The following NKAIN2 variants were observed in gnomAD, a reference collection of about 807,000 sequenced individuals.
NKAIN2 encodes the protein sodium/potassium transporting ATPase interacting 2.
A neutral mutation model predicts 32.6 loss-of-function variants in NKAIN2; 14 were observed. The ratio of observed to expected loss-of-function variants is 0.43; its 90% CI spans 0.28 to 0.67. The LOEUF is 0.67. NKAIN2 is among the 30% of genes least tolerant of loss of function. NKAIN2 has a pLI of 0.17. For missense variants in NKAIN2, 198 were observed against 258.3 expected, an observed-to-expected ratio of 0.77 and a Z score of 1.60; for synonymous variants, 80 against 87.2, an observed-to-expected ratio of 0.92 and a Z score of 0.46.
At chr6:124,783,092 A>G (rs1018470525) in intron 4 of NKAIN2, among the ~76,000 whole-genome samples, 5 of 152,156 alleles carry the variant, frequency 3.3e-5, no homozygotes, top group African/African-American at 1.2e-4. Context: ...CTGTCAATAC[A>G]GTTTTAAAAA....
At chr6:123,881,083 A>G (rs9490985) in intron 1 of NKAIN2, among the ~76,000 whole-genome samples, 1,548 of 152,270 alleles carry the variant, frequency 0.01, 24 homozygotes, top group African/African-American at 0.035. Flanking sequence ...GGGCAGTAGC[A>G]CCATCTTGGC....
chr6:124,019,926 A>C (rs1780791175), intron 1 of NKAIN2, among the ~76,000 whole-genome samples: 1 of 152,198 alleles, frequency 6.6e-6, no homozygotes, highest in African/African-American at 2.4e-5. Context: ...ATTCAATGAA[A>C]GATATTAAAA....
At chr6:124,237,297 T>A (rs1792824522) in intron 1 of NKAIN2, among the ~76,000 whole-genome samples, 1 of 152,148 alleles carries the variant, frequency 6.6e-6, no homozygotes, top group African/African-American at 2.4e-5. Context: ...AGGAGGGACT[T>A]GGAAAAGTTA....
At chr6:124,530,567 G>C (rs1347188087) in intron 3 of NKAIN2, among the ~76,000 whole-genome samples, 1 of 152,078 alleles carries the variant, frequency 6.6e-6, no homozygotes, top group African/African-American at 2.4e-5. Context: ...GCTGTGCAAG[G>C]GTCAACTGTG....
intron 1 of NKAIN2, among the ~76,000 whole-genome samples, chr6:123,804,762 C>T (rs1214615757): frequency 6.6e-6 from 1 of 151,864 alleles, no homozygotes; most frequent in Non-Finnish European, 1.5e-5. Context: ...CACATGGTAT[C>T]CTTACAACAG....
intron 3 of NKAIN2, among the ~76,000 whole-genome samples, chr6:124,457,769 G>A (rs1776379054): frequency 1.3e-5 from 2 of 151,804 alleles, no homozygotes; most frequent in African/African-American, 2.4e-5. Flanking sequence ...TACTTCCATT[G>A]CCAGGTGCCA....
At chr6:123,941,095 A>G (rs1312692521) in intron 1 of NKAIN2, among the ~76,000 whole-genome samples, 2 of 151,802 alleles carry the variant, frequency 1.3e-5, no homozygotes, top group East Asian at 3.9e-4. Context: ...AAACCCACAC[A>G]TTAGCCTAGG....
chr6:123,852,683 C>A (rs559540720), intron 1 of NKAIN2, among the ~76,000 whole-genome samples: 4 of 152,102 alleles, frequency 2.6e-5, no homozygotes, highest in African/African-American at 7.2e-5. Context: ...AGAAGGAAAT[C>A]CTATCATTTG....
rs140130012 is a variant in NKAIN2 at position 123,999,527 on chromosome 6, A to G, written c.54+195273A>G. Among the ~76,000 whole-genome samples the G allele has an allele frequency of 3.4e-4, 52 of 152,288 alleles. No homozygotes were observed. The East Asian group carries it at 7.5e-3, about 22-fold the overall frequency. ...GCTCTCATCAGTTAAAATATGCATT[A>G]TATTTATTTTACCTCTAAGAAAAGT... On this transcript the variant is annotated intron_variant, in intron 1 of 6. Coordinates refer to ENST00000368417, the MANE Select transcript of NKAIN2 (RefSeq NM_001040214.3).
chr6:124,417,948 G>A (rs1774569086), intron 3 of NKAIN2, among the ~76,000 whole-genome samples: 1 of 152,212 alleles, frequency 6.6e-6, no homozygotes, highest in South Asian at 2.1e-4. Context: ...TTCAGAATCA[G>A]ATAGACAGGG....
chr6:123,910,987 G>A (rs1582762259), intron 1 of NKAIN2, among the ~76,000 whole-genome samples: 1 of 151,990 alleles, frequency 6.6e-6, no homozygotes, highest in East Asian at 1.9e-4. Flanking sequence ...GTAGATGAGA[G>A]GATATTATTC....
chr6:124,426,483 G>T (rs1774986960), intron 3 of NKAIN2, among the ~76,000 whole-genome samples: 1 of 151,944 alleles, frequency 6.6e-6, no homozygotes, highest in South Asian at 2.1e-4. Flanking sequence ...CAAAAGTTAA[G>T]AATTAAAGAA....
At chr6:124,779,289 CAGGA>C (rs1779139218) in intron 4 of NKAIN2, among the ~76,000 whole-genome samples, 2 of 67,512 alleles carry the variant, frequency 3.0e-5, no homozygotes, top group Admixed American at 2.4e-4. Flanking sequence ...GAGAGGAAGG[CAGGA>C]AGGAGGGAGG....
chr6:123,809,805 T>TTAA (rs1773378881), intron 1 of NKAIN2, among the ~76,000 whole-genome samples: 2 of 152,182 alleles, frequency 1.3e-5, no homozygotes, highest in South Asian at 4.1e-4. Flanking sequence ...TAGACTCTTT[T>TTAA]TGTTTTTCCA....
At chr6:124,187,633 T>G (rs187035108) in intron 1 of NKAIN2, among the ~76,000 whole-genome samples, 34 of 152,288 alleles carry the variant, frequency 2.2e-4, no homozygotes, top group Admixed American at 2.2e-3. Flanking sequence ...ATAAACATGC[T>G]TATTTTCATT....
At chr6:124,233,587 A>C (rs1317866019) in intron 1 of NKAIN2, among the ~76,000 whole-genome samples, 1 of 152,198 alleles carries the variant, frequency 6.6e-6, no homozygotes, top group Non-Finnish European at 1.5e-5. Context: ...CATTTAAGAA[A>C]ACATGGTGAA....
chr6:124,555,403 A>G lies in NKAIN2; in HGVS notation c.274-102783A>G, dbSNP rs73567573. Among the ~76,000 whole-genome samples the G allele has an allele frequency of 7.6e-3, 1,161 of 152,298 alleles. 16 individuals carry two copies. The highest frequency in any genetic ancestry group is 0.026 in the African/African-American group (1,100 of 41,566). On this transcript the variant is annotated intron_variant, in intron 3 of 6. Transcript: ENST00000368417. ...TTATCCCCCGTTCCCCAATTCCTCTATGACAAGAACTTACAACATTCCCTC... is the reference window on the plus strand; with the variant it reads ...TTATCCCCCGTTCCCCAATTCCTCTGTGACAAGAACTTACAACATTCCCTC...
intron 1 of NKAIN2, among the ~76,000 whole-genome samples, chr6:124,157,475 T>C (rs1395423733): frequency 6.6e-6 from 1 of 152,184 alleles, no homozygotes; most frequent in Non-Finnish European, 1.5e-5. Context: ...TTGCTTTATT[T>C]TGAAACATGG....
chr6:124,348,060 A>T (rs539365149), intron 2 of NKAIN2, among the ~76,000 whole-genome samples: 10 of 152,134 alleles, frequency 6.6e-5, no homozygotes, highest in African/African-American at 1.4e-4. Context: ...AACAGACAGG[A>T]CCCTCAGCTG....
Sources: gnomAD v4.1 joint callset for allele counts (sites outside exome capture counted in the v4.1 genomes callset) on GRCh38, gnomAD v4.1.1 for gene constraint, MANE v1.5 for transcripts, NCBI Gene and HGNC (gene_info 2026-07-23, HGNC 2026-07-21) for gene names.